The following CYTH3 variants were observed in gnomAD, a reference collection of about 807,000 sequenced individuals.
The protein encoded by CYTH3 is cytohesin-3.
A neutral mutation model predicts 55.1 loss-of-function variants in CYTH3; 23 were observed. The observed-to-expected ratio is 0.42, with a 90% CI of 0.30 to 0.59. The LOEUF (loss-of-function observed/expected upper bound fraction) is 0.59. Among genes scored for constraint, CYTH3 ranks in the 20% least tolerant of loss-of-function variants. CYTH3 has a pLI of 0.20. For missense variants in CYTH3, 413 were observed against 524.8 expected, an observed-to-expected ratio of 0.79 and a Z score of 2.08; for synonymous variants, 249 against 194.9, an observed-to-expected ratio of 1.28 and a Z score of -2.31.
chr7:6,180,102 T>TG lies in CYTH3; in HGVS notation c.250-2162dup, dbSNP rs1410640773. Among the ~76,000 whole-genome samples, 3 of 152,174 alleles carry TG rather than the reference T, an allele frequency of 2.0e-5. No individual in the cohort carries two copies. In the East Asian group the frequency reaches 5.8e-4, roughly 29 times the overall value. On this transcript the variant is annotated intron_variant, in intron 4 of 12. Transcript: ENST00000350796. ...GGAGAAGCCAGGTGAGGCCATCAGC[T>TG]GCAGGTGGGAGGAGAGACAGGACAC...
At chr7:6,256,612 C>T (rs59898429) in intron 1 of CYTH3, among the ~76,000 whole-genome samples, 2 of 152,050 alleles carry the variant, frequency 1.3e-5, no homozygotes, top group African/African-American at 2.4e-5. Flanking sequence ...AAGTGGGGAG[C>T]GGTGGAAGCA....
At chr7:6,263,199 A>G (rs1780398302) in intron 1 of CYTH3, among the ~76,000 whole-genome samples, 1 of 152,304 alleles carries the variant, frequency 6.6e-6, no homozygotes, top group East Asian at 1.9e-4. Context: ...TTTAAAATAT[A>G]TATTTTGTCA....
chr7:6,243,635 T>G (rs373732699), intron 1 of CYTH3, among the ~76,000 whole-genome samples: 19 of 152,364 alleles, frequency 1.2e-4, no homozygotes, highest in East Asian at 9.6e-4. Flanking sequence ...GCTTTCAGCT[T>G]CTTCTGCGTA....
chr7:6,184,663 C>G (rs1783591899), intron 4 of CYTH3, among the ~76,000 whole-genome samples: 1 of 152,122 alleles, frequency 6.6e-6, no homozygotes. Flanking sequence ...TCACTGCAAC[C>G]TGACTCCCAG....
At chr7:6,168,533 G>A (rs1048744835) in intron 9 of CYTH3, among the ~76,000 whole-genome samples, 7 of 152,100 alleles carry the variant, frequency 4.6e-5, no homozygotes, top group Admixed American at 1.3e-4. Context: ...GACATACAGG[G>A]TGCTGGGAGA....
At chr7:6,272,410 G>GGGGGGGGGGCC in intron 1 of CYTH3, 64 bp downstream of exon 1, 7 of 1,216,596 alleles carry the variant, frequency 5.8e-6, no homozygotes, top group Non-Finnish European at 7.4e-6. Context: ...CCGCGCCCTC[G>GGGGGGGGGGCC]ACCCCCAGCC....
At chr7:6,207,952 G>A (rs554110100) in intron 1 of CYTH3, among the ~76,000 whole-genome samples, 5 of 152,044 alleles carry the variant, frequency 3.3e-5, no homozygotes, top group Admixed American at 6.6e-5. Context: ...CCTGTCTTGG[G>A]GGGGTGGGGG....
rs765111719 is a variant in CYTH3 at position 6,170,108 on chromosome 7, G to A, written c.823+427C>T. ...AAAGCAGGACAAGCAGGGACAGCCC[G>A]TCACAGAACAGAAAGGTGGGAGCCA... On this transcript the variant is annotated intron_variant, in intron 9 of 12. Coordinates refer to ENST00000350796, the MANE Select transcript of CYTH3 (RefSeq NM_004227.4). This position sits in a 1 kb window ranked among gnomAD's most constrained non-coding sequence, Gnocchi z 7.8. The A allele has an allele frequency of 5.8e-5, 10 of 173,172 alleles. No homozygotes were observed. The highest frequency in any genetic ancestry group is 8.6e-5 in the Non-Finnish European group (7 of 81,064). 10.7% of individuals were successfully genotyped at this position (173,172 alleles called of 1,614,324 possible). A position where few individuals can be genotyped will look rare whatever the true frequency, so the allele number is the denominator to read the frequency against.
chr7:6,177,794 G>A lies in CYTH3; in HGVS notation c.368+29C>T, dbSNP rs773788333. The stretch of plus-strand genomic sequence containing the variant: ...AAGCTGCAGGGCTGAGTGGCCCCAG[G>A]TAGGGCTTTGCATCCTCCTCTAACT... On this transcript the variant is annotated intron_variant, in intron 5 of 12. Transcript: ENST00000350796. 22 of 1,556,222 alleles carry A rather than the reference G, an allele frequency of 1.4e-5. No individual in the cohort carries two copies. In the African/African-American group the frequency reaches 2.7e-4, roughly 19 times the overall value.
chr7:6,174,722 T>C (rs1294732576), intron 5 of CYTH3, among the ~76,000 whole-genome samples: 2 of 151,974 alleles, frequency 1.3e-5, no homozygotes, highest in Non-Finnish European at 2.9e-5. Context: ...TAATTTTTTG[T>C]ATTTTTAGTA....
chr7:6,229,766 G>A (rs950727878), intron 1 of CYTH3, among the ~76,000 whole-genome samples: 8 of 150,786 alleles, frequency 5.3e-5, no homozygotes, highest in African/African-American at 2.0e-4. Context: ...GCCATGAGCT[G>A]AGATCACACC....
At chr7:6,246,808 T>C (rs189976966) in intron 1 of CYTH3, among the ~76,000 whole-genome samples, 2 of 152,284 alleles carry the variant, frequency 1.3e-5, no homozygotes, top group African/African-American at 4.8e-5. Context: ...AATATTTGAC[T>C]TTTCATTTGT....
chr7:6,234,658 T>C (rs118121809), intron 1 of CYTH3, among the ~76,000 whole-genome samples: 2,119 of 152,134 alleles, frequency 0.014, 29 homozygotes, highest in South Asian at 0.024. Context: ...CTGTACTTAG[T>C]GAGTAAGAAC....
chr7:6,205,828 C>G (rs950609281), intron 1 of CYTH3, among the ~76,000 whole-genome samples: 2 of 124,290 alleles, frequency 1.6e-5, no homozygotes, highest in Non-Finnish European at 3.1e-5. Context: ...GAGCTATGAT[C>G]GGGCCACTGC....
chr7:6,266,760 G>C (rs1206750197), intron 1 of CYTH3, among the ~76,000 whole-genome samples: 1 of 152,102 alleles, frequency 6.6e-6, no homozygotes, highest in Non-Finnish European at 1.5e-5. Context: ...TCAACCTCTT[G>C]TTGATTTCCT....
chr7:6,200,070 G>C (rs1784024081), intron 1 of CYTH3, among the ~76,000 whole-genome samples: 1 of 152,098 alleles, frequency 6.6e-6, no homozygotes, highest in Non-Finnish European at 1.5e-5. Context: ...CTTAATTTCA[G>C]GCAGTTTAAA....
At position 6,164,943 on chromosome 7, in the gene CYTH3, G is replaced by T. The variant is rs746836383; in HGVS notation, c.*1C>A. 35 of 1,614,210 alleles carry T rather than the reference G, an allele frequency of 2.2e-5. No homozygotes were observed. In the East Asian group the frequency reaches 7.8e-4, roughly 36 times the overall value. ...TTACCTGGGTCTTTTAGCCAGGAAA[G>T]CTATTTTTTATTGGCAATCCTTCGT... On this transcript the variant is annotated 3_prime_UTR_variant, in exon 13 of 13. Coordinates refer to ENST00000350796, the MANE Select transcript of CYTH3 (RefSeq NM_004227.4).
intron 1 of CYTH3, among the ~76,000 whole-genome samples, chr7:6,266,734 CCA>C (rs1190746156): frequency 6.6e-6 from 1 of 152,238 alleles, no homozygotes; most frequent in Admixed American, 6.5e-5. Context: ...CTCTCCCATC[CCA>C]CACTTTCTCT....
intron 1 of CYTH3, among the ~76,000 whole-genome samples, chr7:6,248,241 C>G (rs369220133): frequency 4.5e-4 from 68 of 149,800 alleles, no homozygotes; most frequent in Admixed American, 2.5e-3. Context: ...CCAACCCCCC[C>G]CCAGCCAAAA....
Sources: gnomAD v4.1 joint callset for allele counts (sites outside exome capture counted in the v4.1 genomes callset) on GRCh38, gnomAD v4.1.1 for gene constraint, Gnocchi (gnomAD v3.1) non-coding constraint, MANE v1.5 for transcripts, NCBI Gene and HGNC (gene_info 2026-07-23, HGNC 2026-07-21) for gene names.